The following SPTLC1 variants were observed in gnomAD, a reference collection of about 807,000 sequenced individuals.
SPTLC1 encodes serine palmitoyltransferase 1.
SPTLC1 carries 55 observed loss-of-function variants against 68.9 expected under a neutral mutation model. That is an observed-to-expected ratio of 0.80 (90% CI 0.64 to 1.00). The LOEUF (loss-of-function observed/expected upper bound fraction) is 1.00, where lower values mean the gene tolerates loss of function less well. SPTLC1 is among the 50% of genes least tolerant of loss of function. SPTLC1 has a pLI of 0.00. For missense variants in SPTLC1, 449 were observed against 573.1 expected, an observed-to-expected ratio of 0.78 and a Z score of 2.21; for synonymous variants, 197 against 201.6, an observed-to-expected ratio of 0.98 and a Z score of 0.19.
At chr9:92,113,888 T>TA (rs1836333511) in intron 1 of SPTLC1, among the ~76,000 whole-genome samples, 1 of 152,238 alleles carries the variant, frequency 6.6e-6, no homozygotes, top group Non-Finnish European at 1.5e-5. Flanking sequence ...GACTTCTGCC[T>TA]ATTTGTTCAC....
intron 6 of SPTLC1, among the ~76,000 whole-genome samples, chr9:92,063,343 A>G (rs936742236): frequency 6.6e-6 from 1 of 152,178 alleles, no homozygotes; most frequent in Non-Finnish European, 1.5e-5. Context: ...GAATAGCCTG[A>G]TAACTACTAA....
At chr9:92,051,041 G>A (rs925346513) in intron 8 of SPTLC1, 6 of 984,978 alleles carry the variant, frequency 6.1e-6, no homozygotes, top group Non-Finnish European at 6.0e-6. Flanking sequence ...CTGTCCATTA[G>A]CACTGCTTCA....
At position 92,080,102 on chromosome 9, in the gene SPTLC1, C is replaced by A; in HGVS notation, c.355-14G>T. 6.3e-7 allele frequency: 1 copy of A among 1,596,316 alleles called. No individual in the cohort carries two copies. On this transcript the variant is annotated splice_polypyrimidine_tract_variant and intron_variant, in intron 4 of 14. Transcript: ENST00000262554. ...TAAAGCTGCTGCCTTTATTGAAGTACAAGAATTATACTTTAATAATTTATC... is the reference window on the plus strand; with the variant it reads ...TAAAGCTGCTGCCTTTATTGAAGTAAAAGAATTATACTTTAATAATTTATC...
chr9:92,096,444 T>G (rs1309282606), intron 3 of SPTLC1, among the ~76,000 whole-genome samples: 2 of 152,186 alleles, frequency 1.3e-5, no homozygotes, highest in East Asian at 3.8e-4. Flanking sequence ...AATTTTTATT[T>G]AGCAATTATA....
intron 5 of SPTLC1, 44 bp from the exon 6 acceptor site, chr9:92,068,142 T>A: frequency 6.3e-7 from 1 of 1,576,374 alleles, no homozygotes. Flanking sequence ...GCCTTATAAT[T>A]CTTTTTCTCT....
At chr9:92,041,241 T>C (rs899310784) in intron 12 of SPTLC1, among the ~76,000 whole-genome samples, 1 of 151,984 alleles carries the variant, frequency 6.6e-6, no homozygotes, top group Non-Finnish European at 1.5e-5. Context: ...TAGAGAAAAA[T>C]TGAACAAAAA....
At chr9:92,033,527 T>C (rs1833043393) in intron 14 of SPTLC1, among the ~76,000 whole-genome samples, 1 of 152,210 alleles carries the variant, frequency 6.6e-6, no homozygotes, top group Non-Finnish European at 1.5e-5. Context: ...CCTACGGTCT[T>C]ACTAACAAGT....
intron 13 of SPTLC1, 58 bp downstream of exon 13, chr9:92,038,190 T>C: frequency 8.8e-7 from 1 of 1,138,876 alleles, no homozygotes; most frequent in Middle Eastern, 2.1e-4. Context: ...ATTAAAAAAT[T>C]GCTTGGGGCA....
chr9:92,034,717 A>G (rs1238858280), intron 14 of SPTLC1, 93 bp downstream of exon 14: 14 of 958,720 alleles, frequency 1.5e-5, no homozygotes, highest in South Asian at 1.0e-4. Flanking sequence ...TCCATAGCCT[A>G]TGATAGTCTT....
chr9:92,075,156 G>A (rs1834637023), intron 5 of SPTLC1, among the ~76,000 whole-genome samples: 1 of 151,946 alleles, frequency 6.6e-6, no homozygotes, highest in Non-Finnish European at 1.5e-5. Flanking sequence ...TACTCCAAGG[G>A]GTACAGAGTA....
intron 12 of SPTLC1, among the ~76,000 whole-genome samples, chr9:92,040,879 C>T (rs7040090): frequency 0.052 from 7,903 of 152,180 alleles, 266 homozygotes; most frequent in Middle Eastern, 0.065. Flanking sequence ...AACAAAATGC[C>T]CTGTCTCTGG....
At chr9:92,083,609 T>G (rs1029565653) in intron 3 of SPTLC1, among the ~76,000 whole-genome samples, 1 of 152,250 alleles carries the variant, frequency 6.6e-6, no homozygotes, top group Non-Finnish European at 1.5e-5. Context: ...TATCTCTGTT[T>G]TAGTACCAGT....
chr9:92,051,319 G>A, intron 8 of SPTLC1: 2 of 947,392 alleles, frequency 2.1e-6, no homozygotes, highest in Non-Finnish European at 2.5e-6. Context: ...GTTCAACATG[G>A]AAAAATCAAA....
At chr9:92,074,154 C>G (rs1834594028) in intron 5 of SPTLC1, among the ~76,000 whole-genome samples, 1 of 152,168 alleles carries the variant, frequency 6.6e-6, no homozygotes. Context: ...GTAACTCTTA[C>G]AGTGGAGGGT....
intron 14 of SPTLC1, among the ~76,000 whole-genome samples, chr9:92,032,920 A>G (rs768645107): frequency 1.3e-5 from 2 of 151,962 alleles, no homozygotes; most frequent in Non-Finnish European, 2.9e-5. Context: ...AAAAAGAATT[A>G]TCTATGTGAG....
intron 5 of SPTLC1, among the ~76,000 whole-genome samples, chr9:92,072,896 CCTT>C (rs1834548344): frequency 6.6e-6 from 1 of 152,046 alleles, no homozygotes; most frequent in Admixed American, 6.5e-5. Flanking sequence ...ATCTACCTCT[CCTT>C]CTTCCACTGG....
rs556077307 is a variant in SPTLC1, at chr9:92,059,639, C to T, written c.561-331G>A. Among the ~76,000 whole-genome samples the T allele has an allele frequency of 1.7e-4, 26 of 152,318 alleles. No homozygotes were observed. In the South Asian group the frequency reaches 5.4e-3, roughly 32 times the overall value. On this transcript the variant is annotated intron_variant, in intron 6 of 14. Coordinates refer to ENST00000262554, the MANE Select transcript of SPTLC1 (RefSeq NM_006415.4). ...AAACATAAAATACTGGTGTGCCTCA[C>T]CATCAGTGGCATCTCTGATATGACT...
chr9:92,061,583 A>C (rs1217799751), intron 6 of SPTLC1, among the ~76,000 whole-genome samples: 1 of 152,256 alleles, frequency 6.6e-6, no homozygotes, highest in African/African-American at 2.4e-5. Flanking sequence ...TAAGTAAAAA[A>C]TATGGGCAAA....
chr9:92,115,364 T>G lies in SPTLC1; in HGVS notation c.7A>C (p.Thr3Pro), dbSNP rs1587630709. 6.2e-7 allele frequency: 1 copy of G among 1,613,054 alleles called. No individual in the cohort carries two copies. Among genetic ancestry groups the G allele is most frequent in the Non-Finnish European group, 8.5e-7 (1 of 1,179,974 alleles). ...ACCAGAACCCACTGCTCCGTGGCGG[T>G]CGCCATAGTTAGCCGCTTCCTTCCG... MA[T>P]ATEQWVLVEM... is the part of the protein sequence containing the mutation. The change falls in exon 1 of 15, where the codon ACC becomes CCC. Residue 3 changes from threonine to proline, a missense_variant. Transcript: ENST00000262554.
Sources: gnomAD v4.1 joint callset for allele counts (sites outside exome capture counted in the v4.1 genomes callset) on GRCh38, gnomAD v4.1.1 for gene constraint, MANE v1.5 for transcripts, NCBI Gene and HGNC (gene_info 2026-07-23, HGNC 2026-07-21) for gene names.